The following PPP1R14C variants were observed in gnomAD, a reference collection of about 807,000 sequenced individuals.
PPP1R14C encodes the protein protein phosphatase 1 regulatory subunit 14C.
In PPP1R14C, 16 loss-of-function variants were observed where a neutral mutation model predicts 20.4. That is an observed-to-expected ratio of 0.78 (90% confidence interval 0.53 to 1.19). PPP1R14C has a LOEUF of 1.19. PPP1R14C is among the 50% of genes most tolerant of loss of function. The pLI, the probability that PPP1R14C is intolerant of heterozygous loss-of-function variation, is 0.00. For synonymous variants in PPP1R14C, 91 were observed against 91.0 expected, an observed-to-expected ratio of 1.00 and a Z score of 0.00; for missense variants, 211 against 220.1, an observed-to-expected ratio of 0.96 and a Z score of 0.26.
intron 3 of PPP1R14C, among the ~76,000 whole-genome samples, chr6:150,240,233 ATAT>A (rs1009307486): frequency 1.3e-5 from 2 of 152,230 alleles, no homozygotes; most frequent in African/African-American, 4.8e-5. Flanking sequence ...GATTCTATAG[ATAT>A]TATGCACAAG....
chr6:150,233,222 G>A (rs1053127406), intron 3 of PPP1R14C, among the ~76,000 whole-genome samples: 2 of 152,162 alleles, frequency 1.3e-5, no homozygotes, highest in African/African-American at 4.8e-5. Flanking sequence ...TGGTGGGTGG[G>A]AGTGCAAAAA....
intron 1 of PPP1R14C, among the ~76,000 whole-genome samples, chr6:150,152,581 A>C (rs1325726778): frequency 2.1e-5 from 3 of 144,608 alleles, no homozygotes; most frequent in Admixed American, 6.9e-5. Flanking sequence ...AATCACCTCC[A>C]CCCCCTCCCC....
chr6:150,195,859 G>A, intron 1 of PPP1R14C: 1 of 985,302 alleles, frequency 1.0e-6, no homozygotes, highest in Non-Finnish European at 1.2e-6. Flanking sequence ...AGCTATGGGA[G>A]GCCAGAGGAC....
chr6:150,193,587 T>G (rs1219077782), intron 1 of PPP1R14C, among the ~76,000 whole-genome samples: 3 of 144,312 alleles, frequency 2.1e-5, no homozygotes, highest in Admixed American at 7.0e-5. Flanking sequence ...AATGCTGAAG[T>G]CCTCGATGGA....
intron 1 of PPP1R14C, among the ~76,000 whole-genome samples, chr6:150,193,393 A>C (rs1323681777): frequency 1.3e-5 from 2 of 152,064 alleles, no homozygotes; most frequent in East Asian, 3.8e-4. Flanking sequence ...CAGGAAAACA[A>C]GAAAAAAAGT....
At position 150,249,836 on chromosome 6, in the gene PPP1R14C, G is replaced by T. The variant is rs1266603979; in HGVS notation, c.*1016G>T. ...CCAGTGGGAGTAAACCGAGTGTTAA[G>T]TGTCAAGGTGAGAAAGCCTCACATT... On this transcript the variant is annotated 3_prime_UTR_variant, in exon 4 of 4. Coordinates refer to ENST00000361131, the MANE Select transcript of PPP1R14C (RefSeq NM_030949.3). The T allele has an allele frequency of 1.0e-5, 3 of 299,754 alleles. No homozygotes were observed. Among genetic ancestry groups the T allele is most frequent in the Admixed American group, 1.0e-4 (2 of 19,664 alleles). 18.6% of individuals were successfully genotyped at this position (299,754 alleles called of 1,614,324 possible). A position where few individuals can be genotyped will look rare whatever the true frequency, so the allele number is the denominator to read the frequency against.
At position 150,163,768 on chromosome 6, in the gene PPP1R14C, G is replaced by A. The variant is rs190789559; in HGVS notation, c.306+20270G>A. Among the ~76,000 whole-genome samples, 190 of 152,024 alleles carry A rather than the reference G, an allele frequency of 1.2e-3. 1 individual carries two copies. The highest frequency in any genetic ancestry group is 3.7e-3 in the African/African-American group (154 of 41,468). On this transcript the variant is annotated intron_variant, in intron 1 of 3. Transcript: ENST00000361131. ...AATACACCACAGTTGTTTTTTTATC[G>A]ATTCTACTTTTGATGGACATTTGGG... is the stretch of plus-strand genomic sequence containing the variant.
chr6:150,217,396 A>C (rs1012408710), intron 3 of PPP1R14C, among the ~76,000 whole-genome samples: 9 of 151,968 alleles, frequency 5.9e-5, no homozygotes, highest in African/African-American at 9.7e-5. Flanking sequence ...GGGTTTCACC[A>C]TGTTGGCCAG....
chr6:150,145,751 G>T lies in PPP1R14C; in HGVS notation c.306+2253G>T, dbSNP rs1197290616. On this transcript the variant is annotated intron_variant, in intron 1 of 3. Coordinates refer to ENST00000361131, the MANE Select transcript of PPP1R14C (RefSeq NM_030949.3). The stretch of plus-strand genomic sequence containing the variant: ...GGAAATGTCCTTTTTATACTTAAAA[G>T]TGGTAATTCTTTCAAATGTTTAGCC... Among the ~76,000 whole-genome samples, 3 of 152,320 alleles carry T rather than the reference G, an allele frequency of 2.0e-5. No homozygotes were observed. In the East Asian group the frequency reaches 5.8e-4, roughly 29 times the overall value.
In PPP1R14C at chr6:150,200,171, G is replaced by GATATATATATATATAT. The variant is rs145406314; in HGVS notation, c.307-14560_307-14559insTATATATATATATATA. ...TATTAATATTTGAGGGCTTTTATAG[G>GATATATATATATATAT]ATATATATATATACACACACACATA... On this transcript the variant is annotated intron_variant, in intron 1 of 3. Transcript: ENST00000361131. Among the ~76,000 whole-genome samples, 197 of 148,024 alleles carry GATATATATATATATAT rather than the reference G, an allele frequency of 1.3e-3. 2 individuals are homozygous for GATATATATATATATAT. Among genetic ancestry groups the GATATATATATATATAT allele is most frequent in the East Asian group, 0.013 (63 of 5,036 alleles).
intron 3 of PPP1R14C, among the ~76,000 whole-genome samples, chr6:150,232,406 G>A (rs1402078276): frequency 3.3e-5 from 5 of 152,184 alleles, no homozygotes; most frequent in Non-Finnish European, 7.4e-5. Flanking sequence ...TTTGTGTACA[G>A]AAGTTTTAAA....
chr6:150,155,961 AC>A (rs1055125821), intron 1 of PPP1R14C, among the ~76,000 whole-genome samples: 1 of 143,146 alleles, frequency 7.0e-6, no homozygotes, highest in Non-Finnish European at 1.5e-5. Flanking sequence ...GGAGGCAGAG[AC>A]CGTAGTGAGC....
At chr6:150,217,072 G>A (rs1325020623) in intron 3 of PPP1R14C, among the ~76,000 whole-genome samples, 1 of 152,172 alleles carries the variant, frequency 6.6e-6, no homozygotes, top group Non-Finnish European at 1.5e-5. Flanking sequence ...ATGGAGCAGA[G>A]TGTGTTGCTT....
At chr6:150,174,788 C>T (rs1313434996) in intron 1 of PPP1R14C, among the ~76,000 whole-genome samples, 2 of 151,458 alleles carry the variant, frequency 1.3e-5, no homozygotes, top group Non-Finnish European at 2.9e-5. Flanking sequence ...TACGGTGAAA[C>T]GCCATCTCTA....
intron 2 of PPP1R14C, 93 bp from the exon 3 acceptor site, chr6:150,216,731 A>G (rs1238237064): frequency 2.4e-6 from 2 of 818,766 alleles, no homozygotes; most frequent in Middle Eastern, 3.3e-4. Context: ...TTATAAAATA[A>G]TACTATGAAT....
intron 3 of PPP1R14C, among the ~76,000 whole-genome samples, chr6:150,229,872 CT>C (rs971754170): frequency 1.3e-5 from 2 of 152,132 alleles, no homozygotes; most frequent in African/African-American, 4.8e-5. Flanking sequence ...AAAACAACCC[CT>C]GCCCCCCAAA....
Position 150,143,250 on chromosome 6 carries a change from C to T in PPP1R14C, c.58C>T (p.Arg20Trp), listed in dbSNP as rs1341209025. 3 of 1,423,444 alleles carry T rather than the reference C, an allele frequency of 2.1e-6. No homozygotes were observed. The highest frequency in any genetic ancestry group is 2.7e-6 in the Non-Finnish European group (3 of 1,100,668). The allele number at this position is 1,423,444 out of a possible 1,614,324, so 88.2% of individuals were successfully genotyped here. ...CGGCGGGGCCAGCGGCGGCGGCGCA[C>T]GGGTTTTCTTCCAAAGCCCCCGGGG... ...TAGGASGGGARVFFQSPRGGA... is the reference protein window; with the variant it reads ...TAGGASGGGAWVFFQSPRGGA... Residue 20 changes from arginine to tryptophan, a missense_variant, in exon 1 of 4, where the codon CGG becomes TGG. Physicochemically the swap from Arg to Trp is moderately radical, Grantham distance 101. Transcript: ENST00000361131. The surrounding 1 kb of genome is among the most constrained non-coding windows in gnomAD (Gnocchi z 5.6).
rs138528290 is a variant in PPP1R14C, at chr6:150,161,878, T to C, written c.306+18380T>C. 4.9e-3 allele frequency among the ~76,000 whole-genome samples: 746 copies of C among 152,312 alleles called. 4 individuals carry two copies. Among genetic ancestry groups the C allele is most frequent in the African/African-American group, 0.017 (692 of 41,570 alleles). On this transcript the variant is annotated intron_variant, in intron 1 of 3. Transcript: ENST00000361131. ...GGATCCCCCAATCTCCTAAATGACT[T>C]TTTAAATTTGCTTACATTGTACATT...
intron 1 of PPP1R14C, among the ~76,000 whole-genome samples, chr6:150,213,346 AACACACACAC>A (rs3049230): frequency 1.3e-4 from 19 of 149,402 alleles, no homozygotes; most frequent in South Asian, 2.2e-4. Context: ...TTTGTGTTGT[AACACACACAC>A]ACACACACAC....
Sources: allele counts gnomAD v4.1 joint callset (sites outside exome capture counted in the v4.1 genomes callset), GRCh38; gene constraint gnomAD v4.1.1; non-coding constraint Gnocchi (gnomAD v3.1); transcripts MANE v1.5; gene names NCBI Gene and HGNC (gene_info 2026-07-23, HGNC 2026-07-21).